The following GALNTL6 variants were observed in gnomAD, a reference collection of about 807,000 sequenced individuals.
GALNTL6 encodes the protein polypeptide N-acetylgalactosaminyltransferase-like 6.
Under a neutral mutation model 73.7 loss-of-function variants are expected in GALNTL6, and 46 were observed. The ratio of observed to expected loss-of-function variants is 0.62; its 90% CI spans 0.49 to 0.80. The LOEUF (loss-of-function observed/expected upper bound fraction) is 0.80. Among genes scored for constraint, GALNTL6 ranks in the 30% least tolerant of loss-of-function variants. The pLI is 0.00. For missense variants in GALNTL6, 604 were observed against 755.0 expected (o/e 0.80, Z 2.34); for synonymous variants, 259 against 263.7 (o/e 0.98, Z 0.17).
At chr4:172,260,958 T>C (rs1396508606) in intron 3 of GALNTL6, among the ~76,000 whole-genome samples, 1 of 151,566 alleles carries the variant, frequency 6.6e-6, no homozygotes, top group Admixed American at 6.6e-5. Flanking sequence ...GAAATCCACT[T>C]GATCGTGGTG....
intron 2 of GALNTL6, among the ~76,000 whole-genome samples, chr4:172,122,498 T>C (rs77180836): frequency 2.6e-5 from 4 of 152,230 alleles, no homozygotes; most frequent in African/African-American, 9.7e-5. Flanking sequence ...AGAATTCATC[T>C]GGTTTCAGCT....
chr4:172,032,018 C>T (rs901361948), intron 2 of GALNTL6, among the ~76,000 whole-genome samples: 2 of 152,076 alleles, frequency 1.3e-5, no homozygotes, highest in Admixed American at 1.3e-4. Context: ...TTACTTCTTT[C>T]TCAACTGATA....
At chr4:172,278,310 A>G (rs1188843869) in intron 3 of GALNTL6, among the ~76,000 whole-genome samples, 1 of 152,058 alleles carries the variant, frequency 6.6e-6, no homozygotes, top group Non-Finnish European at 1.5e-5. Context: ...TTTGTTTTTC[A>G]TTTGTGTAGT....
intron 5 of GALNTL6, among the ~76,000 whole-genome samples, chr4:172,550,250 A>G (rs1735907237): frequency 1.3e-5 from 2 of 152,186 alleles, no homozygotes; most frequent in African/African-American, 4.8e-5. Context: ...TTGCCATCCA[A>G]AACGAATATT....
At chr4:172,338,036 ATTC>A (rs1367573650) in intron 4 of GALNTL6, among the ~76,000 whole-genome samples, 1 of 152,128 alleles carries the variant, frequency 6.6e-6, no homozygotes, top group African/African-American at 2.4e-5. Flanking sequence ...GAGCTCTAAA[ATTC>A]TTTTACTGTT....
intron 5 of GALNTL6, among the ~76,000 whole-genome samples, chr4:172,632,256 A>G (rs1739427898): frequency 6.6e-6 from 1 of 152,262 alleles, no homozygotes; most frequent in Non-Finnish European, 1.5e-5. Context: ...CCACTTTGGA[A>G]CTGGGTAACA....
chr4:172,871,607 T>TGA (rs1264596050), intron 7 of GALNTL6, among the ~76,000 whole-genome samples: 7 of 76,772 alleles, frequency 9.1e-5, no homozygotes, highest in African/African-American at 1.5e-4. Context: ...TGTGTGTGTG[T>TGA]GAGAGTGTGT....
chr4:172,781,388 AC>A (rs1198108230), intron 5 of GALNTL6, among the ~76,000 whole-genome samples: 1 of 152,224 alleles, frequency 6.6e-6, no homozygotes. Context: ...CTAAAATCAA[AC>A]TAAATGAAAA....
At chr4:172,312,735 T>G (rs958257201) in intron 4 of GALNTL6, among the ~76,000 whole-genome samples, 1 of 152,184 alleles carries the variant, frequency 6.6e-6, no homozygotes, top group East Asian at 1.9e-4. Context: ...GAAAAAAATA[T>G]CAGTACATTA....
intron 3 of GALNTL6, among the ~76,000 whole-genome samples, chr4:172,264,701 C>A (rs559402695): frequency 4.7e-5 from 7 of 148,138 alleles, no homozygotes; most frequent in African/African-American, 1.7e-4. Flanking sequence ...GAACAGTTTT[C>A]ATATTATCTA....
intron 3 of GALNTL6, among the ~76,000 whole-genome samples, chr4:172,291,439 T>C (rs1473252523): frequency 1.3e-5 from 2 of 152,128 alleles, no homozygotes; most frequent in African/African-American, 2.4e-5. Context: ...TTATAATACT[T>C]AAAGATTTTT....
chr4:172,402,529 G>A lies in GALNTL6; in HGVS notation c.553+53840G>A, dbSNP rs143660646. On this transcript the variant is annotated intron_variant, in intron 5 of 12. Transcript: ENST00000506823. ...TACAATTTTAAAGAGAAAAGATTAC[G>A]TTTTTCTAAATGTTCCTTAAATTCT... Among the ~76,000 whole-genome samples the A allele has an allele frequency of 3.2e-3, 490 of 152,124 alleles. 3 individuals are homozygous for A. Among genetic ancestry groups the A allele is most frequent in the African/African-American group, 0.011 (457 of 41,526 alleles).
chr4:171,924,740 C>T (rs1209962088), intron 2 of GALNTL6, among the ~76,000 whole-genome samples: 4 of 152,144 alleles, frequency 2.6e-5, no homozygotes, highest in African/African-American at 9.7e-5. Context: ...GACTAGAAGA[C>T]AGAGTGGCAC....
chr4:171,815,569 A>G (rs1734504438), intron 2 of GALNTL6: 1 of 152,222 alleles, frequency 6.6e-6, no homozygotes, highest in South Asian at 2.1e-4. Context: ...AGCTTCCGTA[A>G]TTAAACGTTT....
intron 5 of GALNTL6, among the ~76,000 whole-genome samples, chr4:172,701,111 TA>T (rs1417047517): frequency 6.6e-6 from 1 of 152,160 alleles, no homozygotes; most frequent in Non-Finnish European, 1.5e-5. Flanking sequence ...TTTCTCATCT[TA>T]TTTACTAATA....
At chr4:171,850,742 G>A (rs1036276791) in intron 2 of GALNTL6, among the ~76,000 whole-genome samples, 1 of 152,126 alleles carries the variant, frequency 6.6e-6, no homozygotes, top group African/African-American at 2.4e-5. Flanking sequence ...ATAATGAGGC[G>A]TGTCTGACTT....
At chr4:172,359,845 C>T (rs1035448180) in intron 5 of GALNTL6, among the ~76,000 whole-genome samples, 1 of 152,198 alleles carries the variant, frequency 6.6e-6, no homozygotes, top group Admixed American at 6.5e-5. Flanking sequence ...GTGAGACATG[C>T]ATGATGAGTA....
chr4:172,759,727 A>G lies in GALNTL6; in HGVS notation c.554-49634A>G, dbSNP rs1737957934. 2.0e-5 allele frequency among the ~76,000 whole-genome samples: 3 copies of G among 150,714 alleles called. No homozygotes were observed. In the South Asian group the frequency reaches 6.3e-4, roughly 32 times the overall value. On this transcript the variant is annotated intron_variant, in intron 5 of 12. Coordinates refer to ENST00000506823, the MANE Select transcript of GALNTL6 (RefSeq NM_001034845.3). ...CAGGAACTAGGGAAGTGACTTTCTT[A>G]GGATATTACACAGAGAAGGAATAGT...
At chr4:172,492,472 T>C (rs2110750634) in intron 5 of GALNTL6, among the ~76,000 whole-genome samples, 1 of 152,326 alleles carries the variant, frequency 6.6e-6, no homozygotes, top group Non-Finnish European at 1.5e-5. Flanking sequence ...ATTACTTTTT[T>C]ATTTTAAAAA....
Sources: allele counts gnomAD v4.1 joint callset (sites outside exome capture counted in the v4.1 genomes callset), GRCh38; gene constraint gnomAD v4.1.1; transcripts MANE v1.5; gene names NCBI Gene and HGNC (gene_info 2026-07-23, HGNC 2026-07-21).